PARD3: variants seen among roughly 807,000 people sequenced by gnomAD.
PARD3 encodes partitioning defective 3 homolog.
PARD3 carries 75 observed loss-of-function variants against 155.4 expected under a neutral mutation model. The observed-to-expected ratio is 0.48, with a 90% confidence interval of 0.40 to 0.58. PARD3 has a LOEUF of 0.58. PARD3 is among the 20% of genes least tolerant of loss of function. PARD3 has a pLI of 0.00. For missense variants in PARD3, 1,642 were observed against 1,721.7 expected (o/e 0.95, Z 0.82); for synonymous variants, 576 against 610.5 (o/e 0.94, Z 0.83).
At position 34,149,233 on chromosome 10, in the gene PARD3, T is replaced by G. The variant is rs559290300; in HGVS notation, c.3420-17650A>C. On this transcript the variant is annotated intron_variant, in intron 22 of 24. Coordinates refer to ENST00000374788, the MANE Select transcript of PARD3 (RefSeq NM_001184785.2). ...ATGAATCTTAAACTGATTTTGCAGT[T>G]TTAGGTAGAAATCATCTAGTGATTA... Among the ~76,000 whole-genome samples, 7 of 152,206 alleles carry G rather than the reference T, an allele frequency of 4.6e-5. No individual in the cohort carries two copies. The South Asian group carries it at 1.5e-3, about 32-fold the overall frequency.
chr10:34,504,974 C>T (rs2080965510), intron 3 of PARD3, among the ~76,000 whole-genome samples: 1 of 152,162 alleles, frequency 6.6e-6, no homozygotes, highest in South Asian at 2.1e-4. Context: ...ATATGGGTCT[C>T]TGTGTGACAT....
intron 3 of PARD3, among the ~76,000 whole-genome samples, chr10:34,509,439 G>A (rs1291596943): frequency 6.6e-6 from 1 of 152,050 alleles, no homozygotes; most frequent in Non-Finnish European, 1.5e-5. Flanking sequence ...AGTGTCCAGG[G>A]CCACAATAAG....
At chr10:34,807,397 A>G (rs1042610923) in intron 1 of PARD3, among the ~76,000 whole-genome samples, 2 of 152,240 alleles carry the variant, frequency 1.3e-5, no homozygotes, top group African/African-American at 2.4e-5. Flanking sequence ...ATATAATCAC[A>G]TAACCATAAA....
chr10:34,474,490 A>C (rs1002240643), intron 3 of PARD3, among the ~76,000 whole-genome samples: 3 of 152,148 alleles, frequency 2.0e-5, no homozygotes, highest in Non-Finnish European at 4.4e-5. Flanking sequence ...ATTTTTATGG[A>C]GTTTTCACAC....
chr10:34,355,077 CG>C (rs1387102409), intron 14 of PARD3, among the ~76,000 whole-genome samples: 1 of 151,938 alleles, frequency 6.6e-6, no homozygotes, highest in African/African-American at 2.4e-5. Flanking sequence ...GGCTCACAGG[CG>C]TAATTCCAGC....
At chr10:34,117,378 A>G (rs1319162930) in intron 24 of PARD3, among the ~76,000 whole-genome samples, 1 of 152,108 alleles carries the variant, frequency 6.6e-6, no homozygotes, top group Non-Finnish European at 1.5e-5. Flanking sequence ...CAGGTGGGCC[A>G]ATTCGTCCAC....
chr10:34,729,732 T>G (rs1293741486), intron 1 of PARD3, among the ~76,000 whole-genome samples: 2 of 152,050 alleles, frequency 1.3e-5, no homozygotes, highest in Non-Finnish European at 2.9e-5. Context: ...CTAAGGAAAT[T>G]ACACACACAA....
intron 22 of PARD3, among the ~76,000 whole-genome samples, chr10:34,164,120 A>G (rs778671078): frequency 2.2e-4 from 34 of 152,234 alleles, no homozygotes; most frequent in Non-Finnish European, 2.9e-4. Context: ...GCAAAGCGGA[A>G]AAATAAACAG....
intron 2 of PARD3, among the ~76,000 whole-genome samples, chr10:34,584,122 T>C (rs1716691288): frequency 6.6e-6 from 1 of 152,202 alleles, no homozygotes; most frequent in South Asian, 2.1e-4. Context: ...CCAACTATTA[T>C]TTCTTCCTAG....
intron 1 of PARD3, among the ~76,000 whole-genome samples, chr10:34,716,204 C>T (rs772443905): frequency 6.6e-6 from 1 of 152,102 alleles, no homozygotes; most frequent in Non-Finnish European, 1.5e-5. Flanking sequence ...AATGCGTGTG[C>T]CTTCAGTTTA....
In PARD3 at chr10:34,240,767, A is replaced by T. The variant is rs551782128; in HGVS notation, c.3419+28890T>A. On this transcript the variant is annotated intron_variant, in intron 22 of 24. Coordinates refer to ENST00000374788, the MANE Select transcript of PARD3 (RefSeq NM_001184785.2). ...CCAACCTCCCCCTTCCTGTCTCCAG[A>T]GCAAGATTTTCTGAGGAGAGGTAAA... Among the ~76,000 whole-genome samples, 39 of 152,270 alleles carry T rather than the reference A, an allele frequency of 2.6e-4. No homozygotes were observed. The East Asian group carries it at 7.5e-3, about 29-fold the overall frequency.
At chr10:34,288,269 C>T (rs1174676760) in intron 20 of PARD3, among the ~76,000 whole-genome samples, 1 of 152,010 alleles carries the variant, frequency 6.6e-6, no homozygotes, top group Non-Finnish European at 1.5e-5. Context: ...ATATGTAAAA[C>T]GTTTATAGGT....
At chr10:34,182,824 G>A (rs552718695) in intron 22 of PARD3, among the ~76,000 whole-genome samples, 1 of 151,622 alleles carries the variant, frequency 6.6e-6, no homozygotes, top group East Asian at 1.9e-4. Flanking sequence ...AACTATTGGT[G>A]TAAATGGGTT....
At chr10:34,410,166 A>G (rs972215162) in intron 5 of PARD3, among the ~76,000 whole-genome samples, 3 of 152,234 alleles carry the variant, frequency 2.0e-5, no homozygotes, top group African/African-American at 4.8e-5. Flanking sequence ...GTTTTAAAAA[A>G]TAAGTGTCCT....
chr10:34,279,144 T>TTC (rs1341738265), intron 21 of PARD3, among the ~76,000 whole-genome samples: 1 of 142,264 alleles, frequency 7.0e-6, no homozygotes, highest in Non-Finnish European at 1.5e-5. Flanking sequence ...TTTTTTCCTT[T>TTC]TTTTTTTTTT....
chr10:34,258,541 G>A (rs958801141), intron 22 of PARD3, among the ~76,000 whole-genome samples: 1 of 152,198 alleles, frequency 6.6e-6, no homozygotes, highest in Non-Finnish European at 1.5e-5. Context: ...TCAGGTGACT[G>A]ATAGGCACAG....
intron 3 of PARD3, among the ~76,000 whole-genome samples, chr10:34,487,394 T>C (rs1051822357): frequency 3.3e-5 from 5 of 152,106 alleles, no homozygotes; most frequent in African/African-American, 7.2e-5. Flanking sequence ...AAAGTGTTAC[T>C]GTATAAATAA....
chr10:34,795,800 A>C (rs1419400378), intron 1 of PARD3, among the ~76,000 whole-genome samples: 1 of 151,962 alleles, frequency 6.6e-6, no homozygotes, highest in African/African-American at 2.4e-5. Context: ...AGGCTGAGGC[A>C]GGAGAATCGC....
intron 4 of PARD3, among the ~76,000 whole-genome samples, chr10:34,455,041 C>A (rs552878483): frequency 6.6e-6 from 1 of 152,236 alleles, no homozygotes; most frequent in African/African-American, 2.4e-5. Flanking sequence ...GCTTTATCTC[C>A]CAGAAACAGC....
Sources: allele counts gnomAD v4.1 joint callset (sites outside exome capture counted in the v4.1 genomes callset), GRCh38; gene constraint gnomAD v4.1.1; transcripts MANE v1.5; gene names NCBI Gene and HGNC (gene_info 2026-07-23, HGNC 2026-07-21).